The following QNG1 variants were observed in gnomAD, a reference collection of about 807,000 sequenced individuals.
The protein encoded by QNG1 is Q-nucleotide N-glycosylase 1.
the QNG1 span, chr9:83,956,097 C>T: frequency 6.5e-7 from 1 of 1,544,088 alleles, no homozygotes; most frequent in Non-Finnish European, 8.8e-7. Flanking sequence ...TGGAACTCCC[C>T]TACACACACC....
the QNG1 span, among the ~76,000 whole-genome samples, chr9:83,940,661 T>G: frequency 2.6e-5 from 4 of 152,208 alleles, no homozygotes; most frequent in Non-Finnish European, 5.9e-5. Context: ...GTCAGGAAGT[T>G]TGATTTTTAT....
At chr9:83,946,124 G>A in the QNG1 span, among the ~76,000 whole-genome samples, 2 of 151,760 alleles carry the variant, frequency 1.3e-5, no homozygotes, top group Non-Finnish European at 1.5e-5. Flanking sequence ...GGCCCATATG[G>A]TAATACCCCG....
chr9:83,942,974 GAGA>G, the QNG1 span, among the ~76,000 whole-genome samples: 14 of 152,284 alleles, frequency 9.2e-5, no homozygotes, highest in Admixed American at 2.6e-4. Context: ...CATAAAAACT[GAGA>G]AGGAGATGGA....
At chr9:83,944,604 C>T in the QNG1 span, among the ~76,000 whole-genome samples, 2 of 152,142 alleles carry the variant, frequency 1.3e-5, no homozygotes, top group Admixed American at 6.6e-5. Context: ...TCTACAATAT[C>T]CACATTTCAC....
At chr9:83,956,086 T>G in the QNG1 span, 1 of 1,460,946 alleles carries the variant, frequency 6.8e-7, no homozygotes, top group South Asian at 1.2e-5. Flanking sequence ...AACCCGCTCC[T>G]TGGAACTCCC....
At chr9:83,946,215 G>T in the QNG1 span, among the ~76,000 whole-genome samples, 1 of 151,914 alleles carries the variant, frequency 6.6e-6, no homozygotes, top group African/African-American at 2.4e-5. Context: ...TGAGGTAGAA[G>T]AATTGCTTGA....
chr9:83,941,167 C>T, the QNG1 span, among the ~76,000 whole-genome samples: 1 of 152,158 alleles, frequency 6.6e-6, no homozygotes, highest in African/African-American at 2.4e-5. Flanking sequence ...CACTCAGGTT[C>T]CTGACCCAGG....
the QNG1 span, chr9:83,944,879 C>A: frequency 6.2e-7 from 1 of 1,613,586 alleles, no homozygotes; most frequent in South Asian, 1.1e-5. Context: ...AATCAGCAAA[C>A]ATGGTGATAC....
the QNG1 span, among the ~76,000 whole-genome samples, chr9:83,955,898 C>T: frequency 1.3e-5 from 2 of 152,152 alleles, no homozygotes; most frequent in Non-Finnish European, 2.9e-5. Flanking sequence ...TTTTGTTCTT[C>T]AGGTGTCATT....
the QNG1 span, among the ~76,000 whole-genome samples, chr9:83,950,310 A>G: frequency 1.3e-5 from 2 of 151,912 alleles, no homozygotes; most frequent in Non-Finnish European, 2.9e-5. Flanking sequence ...GGCCTCCCAA[A>G]GTGCAAGGAT....
At chr9:83,947,909 G>C in the QNG1 span, among the ~76,000 whole-genome samples, 1 of 152,232 alleles carries the variant, frequency 6.6e-6, no homozygotes, top group Non-Finnish European at 1.5e-5. Flanking sequence ...AAAGTGCTGA[G>C]ATTGCAGCCT....
chr9:83,945,133 A>G, the QNG1 span: 67 of 679,588 alleles, frequency 9.9e-5, no homozygotes, highest in South Asian at 1.5e-3. Context: ...GCCGGGCACC[A>G]TGGCTCCCGC....
At chr9:83,951,795 G>A in the QNG1 span, among the ~76,000 whole-genome samples, 34 of 152,216 alleles carry the variant, frequency 2.2e-4, no homozygotes, top group African/African-American at 7.0e-4. Flanking sequence ...TGAGGGTGGT[G>A]TTTTGGAAAT....
the QNG1 span, chr9:83,956,133 C>T: frequency 6.2e-7 from 1 of 1,601,088 alleles, no homozygotes; most frequent in East Asian, 2.2e-5. Context: ...CCTCAAAGGC[C>T]GTTAGGTCCG....
the QNG1 span, chr9:83,955,415 C>T: frequency 3.1e-6 from 5 of 1,614,048 alleles, no homozygotes; most frequent in African/African-American, 4.0e-5. Context: ...AGAAGGAAAA[C>T]TTTCAACCAC....
chr9:83,944,873 A>G, the QNG1 span: 6 of 1,613,968 alleles, frequency 3.7e-6, no homozygotes, highest in Admixed American at 1.7e-5. Context: ...ATCTATAATC[A>G]GCAAACATGG....
the QNG1 span, among the ~76,000 whole-genome samples, chr9:83,947,970 G>A: frequency 5.6e-5 from 8 of 143,396 alleles, no homozygotes; most frequent in Admixed American, 1.3e-4. Context: ...CTGCCTGGCC[G>A]CCCATCGTCT....
At chr9:83,948,834 A>C in the QNG1 span, among the ~76,000 whole-genome samples, 15,523 of 152,208 alleles carry the variant, frequency 0.1, 985 homozygotes, top group Non-Finnish European at 0.13. Flanking sequence ...GGGTCCACTC[A>C]GGGTTAAATG....
the QNG1 span, among the ~76,000 whole-genome samples, chr9:83,949,595 G>A: frequency 1.3e-5 from 2 of 152,026 alleles, no homozygotes; most frequent in African/African-American, 2.4e-5. Context: ...GTGATGAGCC[G>A]AGTTCACGCC....
Sources: gnomAD v4.1 joint callset for allele counts (sites outside exome capture counted in the v4.1 genomes callset) on GRCh38, gnomAD v4.1.1 for gene constraint, MANE v1.5 for transcripts, NCBI Gene and HGNC (gene_info 2026-07-23, HGNC 2026-07-21) for gene names.